Variants in SMU1 observed in about 807,000 individuals in gnomAD.
SMU1 encodes the protein SMU1 DNA replication regulator and spliceosomal factor, also known as WD40 repeat-containing protein SMU1.
Under a neutral mutation model 62.0 loss-of-function variants are expected in SMU1, and 2 were observed. The ratio of observed to expected loss-of-function variants is 0.03; its 90% CI spans 0.01 to 0.10. SMU1 has a LOEUF of 0.10. SMU1 is among the 10% of genes least tolerant of loss of function. SMU1 has a pLI of 1.00. For synonymous variants in SMU1, 188 were observed against 212.4 expected, an observed-to-expected ratio of 0.89 and a Z score of 1.00; for missense variants, 227 against 622.1, an observed-to-expected ratio of 0.36 and a Z score of 6.76.
intron 4 of SMU1, among the ~76,000 whole-genome samples, chr9:33,067,297 C>CAAAAAAA (rs58105257): frequency 1.9e-5 from 1 of 52,746 alleles, no homozygotes; most frequent in African/African-American, 1.0e-4. Flanking sequence ...TGCTAATGAC[C>CAAAAAAA]AAAAAAAAAA....
chr9:33,074,759 A>G (rs964905270), intron 1 of SMU1, among the ~76,000 whole-genome samples: 40 of 151,632 alleles, frequency 2.6e-4, no homozygotes, highest in African/African-American at 9.2e-4. Flanking sequence ...CCTGAGGAGA[A>G]AGCAAACATC....
At chr9:33,056,762 G>A in intron 8 of SMU1, 75 bp downstream of exon 8, 6 of 1,484,740 alleles carry the variant, frequency 4.0e-6, no homozygotes, top group Non-Finnish European at 5.5e-6. Flanking sequence ...AAAAGCGTAA[G>A]GAATCACTAG....
At chr9:33,052,836 A>G (rs1195305399) in intron 10 of SMU1, among the ~76,000 whole-genome samples, 1 of 152,224 alleles carries the variant, frequency 6.6e-6, no homozygotes, top group Non-Finnish European at 1.5e-5. Flanking sequence ...GTTATCTTAA[A>G]ATCTTCAGTG....
At position 33,056,854 on chromosome 9, in the gene SMU1, A is replaced by G. The variant is rs747132687; in HGVS notation, c.978T>C (p.Ser326=). Residue 326 remains serine, a synonymous_variant, in exon 8 of 12, where the codon TCT becomes TCC. Transcript: ENST00000397149. ...SKDSSQILSA[S]FDQTIRIHGL... ...TTACTTACCTAATTGTCTGGTCAAA[A>G]GAAGCACTAAGGATCTGACTGCTAT... 4 of 1,612,450 alleles carry G rather than the reference A, an allele frequency of 2.5e-6. No individual in the cohort carries two copies. Among genetic ancestry groups the G allele is most frequent in the Non-Finnish European group, 3.4e-6 (4 of 1,179,638 alleles).
rs915100609 is a variant in SMU1 at position 33,048,267 on chromosome 9, C to T, written c.1291-9G>A. 6 of 1,613,262 alleles carry T rather than the reference C, an allele frequency of 3.7e-6. No individual in the cohort carries two copies. In the Admixed American group the frequency reaches 8.4e-5, roughly 23 times the overall value. On this transcript the variant is annotated splice_polypyrimidine_tract_variant and intron_variant, in intron 10 of 11. Transcript: ENST00000397149. ...CTGAAGCTTCTGACAATCTAGATCA[C>T]ACCACACCCCAAGAAAAAAACATCA...
chr9:33,063,809 G>A (rs1425590746), intron 4 of SMU1, among the ~76,000 whole-genome samples: 1 of 151,544 alleles, frequency 6.6e-6, no homozygotes. Flanking sequence ...CACCATCTGT[G>A]GAAAAATCGT....
Position 33,060,418 on chromosome 9 carries a change from C to A in SMU1, c.750+47G>T, listed in dbSNP as rs1537041. 3 of 1,518,178 alleles carry A rather than the reference C, an allele frequency of 2.0e-6. No homozygotes were observed. In the African/African-American group the frequency reaches 4.2e-5, roughly 21 times the overall value. 94.0% of individuals were successfully genotyped at this position (1,518,178 alleles called of 1,614,324 possible). A position where few individuals can be genotyped will look rare whatever the true frequency, so the allele number is the denominator to read the frequency against. On this transcript the variant is annotated intron_variant, in intron 6 of 11. Transcript: ENST00000397149. ...GAGGCCATAGGTAAGTAATTCAAAG[C>A]AGGTAATTTTTCCACTAGGAAGGTT...
intron 6 of SMU1, among the ~76,000 whole-genome samples, chr9:33,059,893 TGA>T (rs1351320739): frequency 1.8e-4 from 27 of 152,018 alleles, no homozygotes; most frequent in Non-Finnish European, 4.4e-5. Flanking sequence ...ATTACAGGCC[TGA>T]GCCATCACGC....
intron 3 of SMU1, 67 bp downstream of exon 3, chr9:33,071,673 A>G: frequency 6.7e-7 from 1 of 1,494,198 alleles, no homozygotes; most frequent in South Asian, 1.3e-5. Flanking sequence ...TAAAAAAAAA[A>G]AAAAAAGATC....
chr9:33,068,971 G>A lies in SMU1; in HGVS notation c.391-37C>T, dbSNP rs1564024643. 3.1e-6 allele frequency: 5 copies of A among 1,608,624 alleles called. No homozygotes were observed. The South Asian group carries it at 3.3e-5, about 11-fold the overall frequency. On this transcript the variant is annotated intron_variant, in intron 3 of 11. Coordinates refer to ENST00000397149, the MANE Select transcript of SMU1 (RefSeq NM_018225.3). ...GAGGGTGTAGCATCATTTCCAAGAAGCAACAACAAGATATGAGTGTGCTTA... is the reference window on the plus strand; with the variant it reads ...GAGGGTGTAGCATCATTTCCAAGAAACAACAACAAGATATGAGTGTGCTTA...
intron 4 of SMU1, among the ~76,000 whole-genome samples, chr9:33,064,928 A>G (rs1839403659): frequency 6.6e-6 from 1 of 152,054 alleles, no homozygotes; most frequent in African/African-American, 2.4e-5. Context: ...TTTTTAGTAG[A>G]CACAAGGTTT....
intron 6 of SMU1, 121 bp downstream of exon 6, chr9:33,060,344 G>A (rs953642713): frequency 1.7e-4 from 150 of 869,804 alleles, no homozygotes; most frequent in Non-Finnish European, 5.2e-6. Flanking sequence ...AATTACAAAA[G>A]TAATACATGT....
chr9:33,051,136 T>C (rs1233259714), intron 10 of SMU1, among the ~76,000 whole-genome samples: 1 of 59,410 alleles, frequency 1.7e-5, no homozygotes, highest in Non-Finnish European at 3.7e-5. Flanking sequence ...AAAAAAAAAA[T>C]AAAAATAAAA....
chr9:33,075,908 T>G (rs986841226), intron 1 of SMU1, among the ~76,000 whole-genome samples: 4 of 152,130 alleles, frequency 2.6e-5, no homozygotes, highest in Non-Finnish European at 5.9e-5. Context: ...CCTTGAAAAT[T>G]TTTCTTTCTA....
At position 33,062,174 on chromosome 9, in the gene SMU1, G is replaced by C. The variant is rs1839369478; in HGVS notation, c.505C>G (p.Leu169Val). 1 of 1,609,948 alleles carries C rather than the reference G, an allele frequency of 6.2e-7. No homozygotes were observed. Among genetic ancestry groups the C allele is most frequent in the African/African-American group, 1.3e-5 (1 of 74,496 alleles). Residue 169 changes from leucine (L) to valine (V), a missense_variant, in exon 5 of 12, where the codon CTG (leucine) becomes GTG (valine). Around this residue, in one of 5 missense-constraint regions of SMU1, gnomAD observed 99 missense variants for 270.3 expected, o/e 0.37. Coordinates refer to ENST00000397149, the MANE Select transcript of SMU1 (RefSeq NM_018225.3). The stretch of plus-strand genomic sequence containing the variant: ...AATCCCTGATGCTGCTGCCACTTCA[G>C]TGCCTATGAGGAAAAAAAAAAATAT... ...SRLMALLGQALKWQQHQGLLP... is the reference protein window; with the variant it reads ...SRLMALLGQAVKWQQHQGLLP...
chr9:33,063,604 A>T (rs937966470), intron 4 of SMU1, among the ~76,000 whole-genome samples: 9 of 152,196 alleles, frequency 5.9e-5, no homozygotes, highest in African/African-American at 2.2e-4. Context: ...GTGAGTAGCC[A>T]GGGAGCAAGA....
At chr9:33,058,348 G>A (rs183599193) in intron 6 of SMU1, among the ~76,000 whole-genome samples, 3 of 152,236 alleles carry the variant, frequency 2.0e-5, no homozygotes, top group Admixed American at 2.0e-4. Context: ...ACAGAGTCTT[G>A]CTCTGTCGTC....
At position 33,068,951 on chromosome 9, in the gene SMU1, T is replaced by A; in HGVS notation, c.391-17A>T. 1 of 1,612,868 alleles carries A rather than the reference T, an allele frequency of 6.2e-7. No homozygotes were observed. Among genetic ancestry groups the A allele is most frequent in the South Asian group, 1.1e-5 (1 of 90,978 alleles). The stretch of plus-strand genomic sequence containing the variant: ...TGGGTATGCCTGAAAAAGGAGAGGG[T>A]GTAGCATCATTTCCAAGAAGCAACA... On this transcript the variant is annotated splice_polypyrimidine_tract_variant and intron_variant, in intron 3 of 11. Coordinates refer to ENST00000397149, the MANE Select transcript of SMU1 (RefSeq NM_018225.3).
Position 33,076,619 on chromosome 9 carries a change from C to G in SMU1, c.-11G>C, listed in dbSNP as rs148580461. ...GATTTCGATCGACATAGCCGTATCT[C>G]TCCGGGAGCAGGCCCCAGCTCTCCC... On this transcript the variant is annotated 5_prime_UTR_variant, in exon 1 of 12. Transcript: ENST00000397149. The G allele has an allele frequency of 6.2e-7, 1 of 1,613,844 alleles. No individual in the cohort carries two copies. Among genetic ancestry groups the G allele is most frequent in the Non-Finnish European group, 8.5e-7 (1 of 1,180,050 alleles).
Sources: gnomAD v4.1 joint callset for allele counts (sites outside exome capture counted in the v4.1 genomes callset) on GRCh38, gnomAD v4.1.1 for gene constraint, gnomAD v4.1.1 regional missense constraint, MANE v1.5 for transcripts, NCBI Gene and HGNC (gene_info 2026-07-23, HGNC 2026-07-21) for gene names.